KIF15: variants seen among roughly 807,000 people sequenced by gnomAD.
KIF15 encodes kinesin-like protein KIF15.
Under a neutral mutation model 190.6 loss-of-function variants are expected in KIF15, and 140 were observed. The ratio of observed to expected loss-of-function variants is 0.73; its 90% CI spans 0.64 to 0.84. KIF15 has a LOEUF of 0.84. Among genes scored for constraint, KIF15 ranks in the 40% least tolerant of loss-of-function variants. The pLI is 0.00. For missense variants in KIF15, 1,372 were observed against 1,584.4 expected (o/e 0.87, Z 2.28); for synonymous variants, 528 against 551.3 (o/e 0.96, Z 0.59).
chr3:44,829,143 G>A (rs1697836820), intron 24 of KIF15, among the ~76,000 whole-genome samples: 1 of 151,712 alleles, frequency 6.6e-6, no homozygotes, highest in African/African-American at 2.4e-5. Context: ...GGATCACGAG[G>A]TCAGAAGATC....
chr3:44,852,948 A>G lies in KIF15; in HGVS notation c.*213A>G, dbSNP rs997367451. The G allele has an allele frequency of 2.8e-5, 11 of 387,778 alleles. No individual in the cohort carries two copies. In the East Asian group the frequency reaches 4.5e-4, roughly 16 times the overall value. 24.0% of individuals were successfully genotyped at this position (387,778 alleles called of 1,614,324 possible). A position where few individuals can be genotyped will look rare whatever the true frequency, so the allele number is the denominator to read the frequency against. ...TCAGCAGTCTGCTATTAAGTGGCCT[A>G]CTTCAAGGCTTTGAATCAACTTAAG... On this transcript the variant is annotated 3_prime_UTR_variant, in exon 35 of 35. Transcript: ENST00000326047.
chr3:44,865,368 G>A (rs1325239581), intron 6 of KIF15: 19 of 742,812 alleles, frequency 2.6e-5, no homozygotes, highest in African/African-American at 8.8e-5. Context: ...GTGTTCTACC[G>A]GAAGTGTTTT....
chr3:44,844,425 A>G (rs1355095323), intron 30 of KIF15, among the ~76,000 whole-genome samples: 1 of 152,234 alleles, frequency 6.6e-6, no homozygotes, highest in African/African-American at 2.4e-5. Context: ...CTGCTCACCT[A>G]GTTTTCATAT....
Position 44,864,382 on chromosome 3 carries a change from T to A in KIF15, c.*60-8947T>A, listed in dbSNP as rs1421552979. ...GGGTGTGGTGCTCTTGTCCTAAATC[T>A]GGGTTCTGGGTGAGTTGTCTTTGGA... On this transcript the variant is annotated intron_variant and NMD_transcript_variant, in intron 6 of 6. Transcript: ENST00000422209. The A allele has an allele frequency of 2.5e-6, 4 of 1,612,532 alleles. No homozygotes were observed. In the East Asian group the frequency reaches 8.9e-5, roughly 36 times the overall value.
Position 44,784,835 on chromosome 3 carries a change from A to G in KIF15, c.362-10A>G. 7.3e-7 allele frequency: 1 copy of G among 1,366,668 alleles called. No homozygotes were observed. Among genetic ancestry groups the G allele is most frequent in the Non-Finnish European group, 1.0e-6 (1 of 992,736 alleles). The allele number at this position is 1,366,668 out of a possible 1,614,324, so 84.7% of individuals were successfully genotyped here. A position where few individuals can be genotyped will look rare whatever the true frequency, so the allele number is the denominator to read the frequency against. ...ATAAAAATCCAGTGTTTTTTTTTTCATTTTTTTAGGACCATCTGAATCTGA... is the reference window on the plus strand; with the variant it reads ...ATAAAAATCCAGTGTTTTTTTTTTCGTTTTTTTAGGACCATCTGAATCTGA... On this transcript the variant is annotated splice_polypyrimidine_tract_variant and intron_variant, in intron 5 of 34. Transcript: ENST00000326047.
chr3:44,828,291 T>A lies in KIF15; in HGVS notation c.2934T>A (p.Asp978Glu), dbSNP rs1697787517. 6.2e-7 allele frequency: 1 copy of A among 1,608,104 alleles called. No individual in the cohort carries two copies. Among genetic ancestry groups the A allele is most frequent in the Non-Finnish European group, 8.5e-7 (1 of 1,174,494 alleles). ...TCAGTTCCCTGGAAAAGTCTAGAGATTCTGATAAGGTTGGTAGAGTTTGAA... is the reference window on the plus strand; with the variant it reads ...TCAGTTCCCTGGAAAAGTCTAGAGAATCTGATAAGGTTGGTAGAGTTTGAA... ...KVISSLEKSR[D>E]SDKKVVADLM... Residue 978 changes from aspartate (D) to glutamate (E), a missense_variant, in exon 24 of 35, where the codon GAT (aspartate) becomes GAA (glutamate). Physicochemically the swap from Asp to Glu is conservative, Grantham distance 45. Transcript: ENST00000326047.
chr3:44,777,498 C>A (rs1475540265), intron 3 of KIF15, among the ~76,000 whole-genome samples: 1 of 151,986 alleles, frequency 6.6e-6, no homozygotes. Context: ...TTGAGACTAG[C>A]CTGACTAACA....
At position 44,778,187 on chromosome 3, in the gene KIF15, G is replaced by T; in HGVS notation, c.319G>T (p.Ala107Ser). ...CMSGYNGTIFAYGQTGSGKTF... is the reference protein window; with the variant it reads ...CMSGYNGTIFSYGQTGSGKTF... ...GAGCGGTTATAATGGTACCATCTTT[G>T]CATAGTAAGTTGTTGACTGTGTCCT... is the stretch of plus-strand genomic sequence containing the variant. Residue 107 changes from alanine to serine, a missense_variant, in exon 4 of 35, where the codon GCA becomes TCA. By Grantham distance (99) the Ala-to-Ser change is moderately conservative. Transcript: ENST00000326047. The T allele has an allele frequency of 6.2e-7, 1 of 1,611,960 alleles. No homozygotes were observed. Among genetic ancestry groups the T allele is most frequent in the Non-Finnish European group, 8.5e-7 (1 of 1,178,032 alleles).
chr3:44,808,832 A>G (rs911031993), intron 16 of KIF15, among the ~76,000 whole-genome samples: 4 of 152,138 alleles, frequency 2.6e-5, no homozygotes, highest in Non-Finnish European at 5.9e-5. Flanking sequence ...GGACAGAAGA[A>G]TTATAGAGCT....
At chr3:44,841,938 A>T (rs1698629977) in intron 29 of KIF15, among the ~76,000 whole-genome samples, 1 of 152,220 alleles carries the variant, frequency 6.6e-6, no homozygotes, top group Non-Finnish European at 1.5e-5. Flanking sequence ...CAATGGTGTC[A>T]TATACAGGTT....
intron 30 of KIF15, among the ~76,000 whole-genome samples, chr3:44,847,217 C>T (rs1191142708): frequency 1.3e-5 from 2 of 152,136 alleles, no homozygotes; most frequent in Non-Finnish European, 2.9e-5. Flanking sequence ...TGTTTTCCTT[C>T]AAGAAATGGT....
At chr3:44,814,845 G>A (rs1707955125) in intron 19 of KIF15, 66 bp from the exon 20 acceptor site, 3 of 1,332,188 alleles carry the variant, frequency 2.3e-6, no homozygotes, top group East Asian at 2.4e-5. Context: ...TGTGGGACTA[G>A]TACCTATCAG....
rs763612804 is a variant in KIF15 at position 44,865,185 on chromosome 3, A to G, written c.*60-8144A>G. ...CTTCCACACAAGCAGCAGTAGCACC[A>G]CTTGGCTAGACGGACCAGCTGGAAA... On this transcript the variant is annotated intron_variant and NMD_transcript_variant, in intron 6 of 6. Coordinates refer to the KIF15 transcript ENST00000422209. 3.7e-6 allele frequency: 6 copies of G among 1,614,112 alleles called. 1 individual carries two copies. The highest frequency in any genetic ancestry group is 3.3e-5 in the South Asian group (3 of 91,066).
chr3:44,856,871 C>G (rs906145719), downstream of KIF15, among the ~76,000 whole-genome samples: 2 of 152,140 alleles, frequency 1.3e-5, no homozygotes, highest in Non-Finnish European at 2.9e-5. Context: ...GGCATAGAGT[C>G]AGTATAAATA....
intron 6 of KIF15, among the ~76,000 whole-genome samples, chr3:44,858,303 T>G (rs1357093000): frequency 6.6e-6 from 1 of 152,180 alleles, no homozygotes; most frequent in Non-Finnish European, 1.5e-5. Flanking sequence ...CTTGTCCGGT[T>G]TTTGAATAGG....
chr3:44,803,341 G>A (rs1707364488), intron 14 of KIF15, among the ~76,000 whole-genome samples: 1 of 152,146 alleles, frequency 6.6e-6, no homozygotes, highest in East Asian at 1.9e-4. Context: ...AATAAAAATA[G>A]AGTTGAAATG....
chr3:44,863,172 G>C (rs989546366), intron 6 of KIF15: 1 of 151,882 alleles, frequency 6.6e-6, no homozygotes, highest in Non-Finnish European at 1.5e-5. Context: ...AGTTCTTCCA[G>C]TGTGGCCCAG....
At chr3:44,858,761 A>G (rs1699212118) in intron 6 of KIF15, among the ~76,000 whole-genome samples, 2 of 152,342 alleles carry the variant, frequency 1.3e-5, no homozygotes, top group Admixed American at 6.5e-5. Flanking sequence ...CCTAGCCGTC[A>G]ATACCCACAA....
At chr3:44,807,695 G>GGT (rs143004356) in intron 16 of KIF15, among the ~76,000 whole-genome samples, 12,718 of 149,176 alleles carry the variant, frequency 0.085, 593 homozygotes, top group African/African-American at 0.13. Flanking sequence ...ACAGCTTGAG[G>GGT]GTGTGTGTGT....
Sources: allele counts gnomAD v4.1 joint callset (sites outside exome capture counted in the v4.1 genomes callset), GRCh38; gene constraint gnomAD v4.1.1; transcripts MANE v1.5; gene names NCBI Gene and HGNC (gene_info 2026-07-23, HGNC 2026-07-21).